Variants in MCF2L2 observed in about 807,000 individuals in gnomAD.
MCF2L2 encodes the protein probable guanine nucleotide exchange factor MCF2L2.
In MCF2L2, 102 loss-of-function variants were observed where a neutral mutation model predicts 150.2. The observed-to-expected ratio is 0.68, with a 90% confidence interval of 0.58 to 0.80. The LOEUF is 0.80. MCF2L2 is among the 30% of genes least tolerant of loss of function. MCF2L2 has a pLI of 0.00. For missense variants in MCF2L2, 1,256 were observed against 1,372.8 expected, an observed-to-expected ratio of 0.91 and a Z score of 1.34; for synonymous variants, 465 against 491.3, an observed-to-expected ratio of 0.95 and a Z score of 0.71.
At chr3:183,292,164 T>A (rs1432240979) in intron 13 of MCF2L2, among the ~76,000 whole-genome samples, 1 of 152,108 alleles carries the variant, frequency 6.6e-6, no homozygotes, top group Non-Finnish European at 1.5e-5. Context: ...TTCTAAAAAG[T>A]AGGATACATG....
At position 183,309,847 on chromosome 3, in the gene MCF2L2, A is replaced by G; in HGVS notation, c.994-12T>C. ...AGGGCAAGCTTAGCCTACAAGAAAC[A>G]TTAGAACAGTCCAGAAGTAAACCAA... On this transcript the variant is annotated splice_polypyrimidine_tract_variant and intron_variant, in intron 9 of 29. Coordinates refer to ENST00000328913, the MANE Select transcript of MCF2L2 (RefSeq NM_015078.4). 1 of 1,613,358 alleles carries G rather than the reference A, an allele frequency of 6.2e-7. No homozygotes were observed. The highest frequency in any genetic ancestry group is 2.2e-5 in the East Asian group (1 of 44,860).
intron 14 of MCF2L2, among the ~76,000 whole-genome samples, chr3:183,278,893 T>C (rs1445064394): frequency 6.6e-6 from 1 of 152,214 alleles, no homozygotes; most frequent in East Asian, 1.9e-4. Context: ...CTCAGGAGCT[T>C]GCAGAAATGC....
chr3:183,214,461 C>T (rs1354106027), intron 22 of MCF2L2, among the ~76,000 whole-genome samples: 11 of 152,086 alleles, frequency 7.2e-5, no homozygotes, highest in Admixed American at 7.2e-4. Context: ...TTCTGAGATC[C>T]AGGCCCAAGA....
intron 1 of MCF2L2, among the ~76,000 whole-genome samples, chr3:183,393,445 G>A (rs1288889311): frequency 6.6e-6 from 1 of 151,992 alleles, no homozygotes; most frequent in African/African-American, 2.4e-5. Flanking sequence ...CACCCACCTC[G>A]GCCTCCCAAA....
chr3:183,360,497 T>G (rs1712068739), intron 3 of MCF2L2, among the ~76,000 whole-genome samples: 1 of 151,652 alleles, frequency 6.6e-6, no homozygotes. Flanking sequence ...AGTCCGGGAG[T>G]TCAAGGCTGC....
intron 27 of MCF2L2, among the ~76,000 whole-genome samples, chr3:183,187,746 C>T (rs985904865): frequency 5.9e-5 from 9 of 152,234 alleles, no homozygotes; most frequent in African/African-American, 1.2e-4. Context: ...GGATTACAGG[C>T]GTGAGCCACC....
intron 3 of MCF2L2, among the ~76,000 whole-genome samples, chr3:183,343,736 T>G (rs576807850): frequency 1.3e-5 from 2 of 152,198 alleles, no homozygotes; most frequent in Non-Finnish European, 2.9e-5. Flanking sequence ...ACGTTAAATA[T>G]GTGAATAAGT....
intron 6 of MCF2L2, among the ~76,000 whole-genome samples, chr3:183,321,601 G>A (rs948581255): frequency 5.9e-5 from 9 of 152,020 alleles, no homozygotes; most frequent in Non-Finnish European, 1.0e-4. Flanking sequence ...AAGTTGCCAC[G>A]AAACTTCAAT....
intron 15 of MCF2L2, among the ~76,000 whole-genome samples, chr3:183,264,130 C>A (rs997410194): frequency 3.9e-5 from 6 of 152,196 alleles, no homozygotes; most frequent in Non-Finnish European, 5.9e-5. Flanking sequence ...TGACTTCCTG[C>A]TGCTTTCTGT....
At chr3:183,194,936 C>T (rs1402746610) in intron 26 of MCF2L2, among the ~76,000 whole-genome samples, 1 of 151,982 alleles carries the variant, frequency 6.6e-6, no homozygotes, top group Non-Finnish European at 1.5e-5. Context: ...CACGCCACCA[C>T]CTAGGCTAAT....
intron 26 of MCF2L2, among the ~76,000 whole-genome samples, chr3:183,194,266 A>G (rs914040828): frequency 2.0e-5 from 3 of 152,226 alleles, no homozygotes; most frequent in Non-Finnish European, 2.9e-5. Context: ...GGATCACAGT[A>G]GACAGGCGTT....
chr3:183,298,943 T>G (rs1324013638), intron 11 of MCF2L2: 2 of 151,224 alleles, frequency 1.3e-5, no homozygotes, highest in Non-Finnish European at 2.9e-5. Context: ...TAAAATCCCT[T>G]TAGCAATGGG....
At position 183,248,631 on chromosome 3, in the gene MCF2L2, T is replaced by A. The variant is rs146800721; in HGVS notation, c.1863-17614A>T. On this transcript the variant is annotated intron_variant, in intron 15 of 29. Coordinates refer to ENST00000328913, the MANE Select transcript of MCF2L2 (RefSeq NM_015078.4). ...AGGTGGATCGCTTGAGCCCAGGAGTTCAAGACCAGCCTGGGCAACATAGTG... is the reference window on the plus strand; with the variant it reads ...AGGTGGATCGCTTGAGCCCAGGAGTACAAGACCAGCCTGGGCAACATAGTG... Among the ~76,000 whole-genome samples the A allele has an allele frequency of 3.7e-3, 559 of 152,106 alleles. 2 individuals carry two copies. The highest frequency in any genetic ancestry group is 5.7e-3 in the Non-Finnish European group (387 of 67,988).
At chr3:183,289,819 G>A (rs1234986573) in intron 13 of MCF2L2, among the ~76,000 whole-genome samples, 1 of 152,216 alleles carries the variant, frequency 6.6e-6, no homozygotes, top group Non-Finnish European at 1.5e-5. Context: ...TTGCGCCACT[G>A]CACTCCAGCC....
chr3:183,192,219 A>C (rs1721921907), intron 27 of MCF2L2, among the ~76,000 whole-genome samples: 1 of 151,902 alleles, frequency 6.6e-6, no homozygotes, highest in South Asian at 2.1e-4. Flanking sequence ...CGCTCACTGC[A>C]ACCTCCGCCT....
At chr3:183,396,002 T>C (rs1714431371) in intron 1 of MCF2L2, among the ~76,000 whole-genome samples, 1 of 143,974 alleles carries the variant, frequency 6.9e-6, no homozygotes, top group African/African-American at 2.6e-5. Flanking sequence ...AAGTTCCTCG[T>C]GGCACCGCCT....
intron 14 of MCF2L2, among the ~76,000 whole-genome samples, chr3:183,288,800 T>C (rs927726841): frequency 6.6e-6 from 1 of 152,172 alleles, no homozygotes; most frequent in Non-Finnish European, 1.5e-5. Flanking sequence ...TTTTTATACA[T>C]GAACCATACA....
At chr3:183,375,940 G>T (rs1275613208) in intron 3 of MCF2L2, 1 of 152,230 alleles carries the variant, frequency 6.6e-6, no homozygotes, top group Non-Finnish European at 1.5e-5. Flanking sequence ...TCCAAGTCAA[G>T]TTCCCCTTTC....
At position 183,310,926 on chromosome 3, in the gene MCF2L2, C is replaced by T. The variant is rs778873068; in HGVS notation, c.982G>A (p.Asp328Asn). 20 of 1,611,438 alleles carry T rather than the reference C, an allele frequency of 1.2e-5. No homozygotes were observed. The highest frequency in any genetic ancestry group is 6.7e-5 in the Admixed American group (4 of 59,824). ...CAAGAAAAGAATACCTTACAAAAAT[C>T]GTGCTCAAAATGCTGTAGTTGTAGG... Reference protein sequence around the residue: ...QCLQLQHFEHDFCKAKLALDN... With the variant: ...QCLQLQHFEHNFCKAKLALDN... Residue 328 changes from aspartate (D) to asparagine (N), a missense_variant, in exon 9 of 30, where the codon GAT (aspartate) becomes AAT (asparagine). Physicochemically the swap from Asp to Asn is conservative, Grantham distance 23. Transcript: ENST00000328913.
Sources: allele counts gnomAD v4.1 joint callset (sites outside exome capture counted in the v4.1 genomes callset), GRCh38; gene constraint gnomAD v4.1.1; transcripts MANE v1.5; gene names NCBI Gene and HGNC (gene_info 2026-07-23, HGNC 2026-07-21).